The following CDH15 variants were observed in gnomAD, a reference collection of about 807,000 sequenced individuals.
The protein encoded by CDH15 is cadherin-15.
In CDH15, 73 loss-of-function variants were observed where a neutral mutation model predicts 69.4. That is an observed-to-expected ratio of 1.05 (90% CI 0.87 to 1.28). The LOEUF (loss-of-function observed/expected upper bound fraction) is 1.28. Among genes scored for constraint, CDH15 ranks in the 50% most tolerant of loss-of-function variants. The pLI is 0.00. For missense variants in CDH15, 1,343 were observed against 1,133.6 expected (o/e 1.18, Z -2.65); for synonymous variants, 624 against 507.7 (o/e 1.23, Z -3.08).
chr16:89,180,155 C>T (rs563597344), intron 2 of CDH15, 45 bp from the exon 3 acceptor site: 10 of 1,604,996 alleles, frequency 6.2e-6, no homozygotes, highest in Middle Eastern at 2.3e-4. Flanking sequence ...GGGCAGAGGC[C>T]CCCGCCCGGA....
In CDH15 at chr16:89,179,608, G is replaced by C. The variant is rs771341817; in HGVS notation, c.201+34G>C. The stretch of plus-strand genomic sequence containing the variant: ...GTGGAGGGGGCAGGAGGGGAGAAAG[G>C]GGTAGGCTGGTCCCCAGTGGGCCTC... On this transcript the variant is annotated intron_variant, in intron 2 of 13. Transcript: ENST00000289746. The C allele has an allele frequency of 8.5e-6, 13 of 1,530,910 alleles. 2 individuals carry two copies. The South Asian group carries it at 1.1e-4, about 14-fold the overall frequency. 94.8% of individuals were successfully genotyped at this position (1,530,910 alleles called of 1,614,324 possible). A position where few individuals can be genotyped will look rare whatever the true frequency, so the allele number is the denominator to read the frequency against.
intron 13 of CDH15, 88 bp from the exon 14 acceptor site, chr16:89,194,774 G>C: frequency 1.5e-6 from 2 of 1,358,802 alleles, no homozygotes; most frequent in Non-Finnish European, 2.0e-6. Context: ...CCCGTGCCTT[G>C]AGCTGACTTT....
chr16:89,173,629 C>T (rs918076123), intron 1 of CDH15, among the ~76,000 whole-genome samples: 1 of 152,230 alleles, frequency 6.6e-6, no homozygotes, highest in Non-Finnish European at 1.5e-5. Flanking sequence ...AGCAGCTCAG[C>T]TTTCAGGACT....
chr16:89,190,195 G>A, intron 7 of CDH15, 48 bp from the exon 8 acceptor site: 1 of 1,599,134 alleles, frequency 6.3e-7, no homozygotes, highest in Non-Finnish European at 8.5e-7. Flanking sequence ...GCCCTCGGGT[G>A]CCCACACTTG....
intron 7 of CDH15, among the ~76,000 whole-genome samples, chr16:89,189,079 G>A (rs1915573250): frequency 7.4e-6 from 1 of 134,382 alleles, no homozygotes; most frequent in Admixed American, 7.5e-5. Context: ...ACACACAGAT[G>A]CCCACACACA....
chr16:89,178,936 C>G (rs1915315321), intron 1 of CDH15, among the ~76,000 whole-genome samples: 1 of 152,204 alleles, frequency 6.6e-6, no homozygotes, highest in South Asian at 2.1e-4. Context: ...TGTCAGGACC[C>G]CACGCTCTCC....
rs539191758 is a variant in CDH15, at chr16:89,187,021, C to T, written c.664-408C>T. Reference sequence around the variant, plus strand: ...CAGCGCACAGTAGGTGCTCTGTAAACGCTTACCCAGTGCACAGTAGGTGCT... The same window carrying T: ...CAGCGCACAGTAGGTGCTCTGTAAATGCTTACCCAGTGCACAGTAGGTGCT... On this transcript the variant is annotated intron_variant, in intron 5 of 13. Coordinates refer to ENST00000289746, the MANE Select transcript of CDH15 (RefSeq NM_004933.3). 3.5e-4 allele frequency among the ~76,000 whole-genome samples: 53 copies of T among 150,994 alleles called. No individual in the cohort carries two copies. The South Asian group carries it at 8.4e-3, about 24-fold the overall frequency.
intron 12 of CDH15, 43 bp downstream of exon 12, chr16:89,193,649 C>T: frequency 6.4e-7 from 1 of 1,568,384 alleles, no homozygotes; most frequent in South Asian, 1.2e-5. Context: ...CCAAGGAACC[C>T]AGGTCGCGGG....
intron 2 of CDH15, 92 bp downstream of exon 2, chr16:89,179,666 G>C: frequency 7.3e-7 from 1 of 1,360,622 alleles, no homozygotes; most frequent in Non-Finnish European, 1.0e-6. Context: ...GGGAGCCAGC[G>C]GGGCCCCATT....
At chr16:89,188,837 TGCCCACACACAGATGCCCAC>T (rs1915562764) in intron 7 of CDH15, among the ~76,000 whole-genome samples, 2 of 63,528 alleles carry the variant, frequency 3.1e-5, no homozygotes, top group African/African-American at 7.1e-5. Flanking sequence ...CACGCACAGG[TGCCCACACACAGATGCCCAC>T]GCACAGGTGC....
Position 89,183,698 on chromosome 16 carries a change from A to T in CDH15, c.502+6A>T, listed in dbSNP as rs762193923. The T allele has an allele frequency of 6.3e-7, 1 of 1,593,674 alleles. No homozygotes were observed. Among genetic ancestry groups the T allele is most frequent in the South Asian group, 1.1e-5 (1 of 88,520 alleles). The stretch of plus-strand genomic sequence containing the variant: ...GCTGGAGGGTGCAGTCCCAGGTGAG[A>T]CAGGACCACAGCCCCGGGCCGGGAG... On this transcript the variant is annotated splice_donor_region_variant and intron_variant, in intron 4 of 13. Coordinates refer to ENST00000289746, the MANE Select transcript of CDH15 (RefSeq NM_004933.3).
At chr16:89,185,079 G>T (rs1043620557) in intron 4 of CDH15, 94 bp from the exon 5 acceptor site, 2 of 1,237,024 alleles carry the variant, frequency 1.6e-6, no homozygotes, top group Admixed American at 4.0e-5. Context: ...GAACCGGGGA[G>T]CCTGTGCACA....
chr16:89,191,917 C>T, intron 10 of CDH15, 23 bp downstream of exon 10: 5 of 1,529,556 alleles, frequency 3.3e-6, no homozygotes, highest in Non-Finnish European at 4.4e-6. Context: ...CACCGCCGCG[C>T]TCCCCCCATC....
chr16:89,179,909 G>C (rs1365080990), intron 2 of CDH15, among the ~76,000 whole-genome samples: 1 of 152,210 alleles, frequency 6.6e-6, no homozygotes, highest in East Asian at 1.9e-4. Context: ...AAGGTGAACT[G>C]CCTTGCGTGG....
At chr16:89,186,413 C>A (rs1188231683) in intron 5 of CDH15, among the ~76,000 whole-genome samples, 23 of 136,222 alleles carry the variant, frequency 1.7e-4, no homozygotes, top group Admixed American at 7.1e-4. Context: ...AAACGCTCAC[C>A]CAGCGCACAG....
chr16:89,190,410 C>G lies in CDH15; in HGVS notation c.1146C>G (p.Thr382=). 1 of 1,612,238 alleles carries G rather than the reference C, an allele frequency of 6.2e-7. No homozygotes were observed. Among genetic ancestry groups the G allele is most frequent in the Non-Finnish European group, 8.5e-7 (1 of 1,179,748 alleles). ...PPVFQENPLR[T]SLAEGAPPGT... ...TGTTCCAGGAGAACCCACTTCGGACCAGCCTAGCAGAGGGGGCACCCCCAG... is the reference window on the plus strand; with the variant it reads ...TGTTCCAGGAGAACCCACTTCGGACGAGCCTAGCAGAGGGGGCACCCCCAG... Residue 382 remains threonine, a synonymous_variant, in exon 8 of 14, where the codon ACC becomes ACG. Transcript: ENST00000289746.
intron 1 of CDH15, among the ~76,000 whole-genome samples, chr16:89,176,921 G>C (rs1214897559): frequency 6.6e-6 from 1 of 152,186 alleles, no homozygotes. Flanking sequence ...CAGCCTGAGG[G>C]CTTGTCCTGG....
In CDH15 at chr16:89,193,467, C is replaced by T. The variant is rs201669045; in HGVS notation, c.1856-3C>T. The T allele has an allele frequency of 6.2e-7, 1 of 1,609,526 alleles. No individual in the cohort carries two copies. Among genetic ancestry groups the T allele is most frequent in the African/African-American group, 1.3e-5 (1 of 74,638 alleles). ...CCCCAGCCTGCGTCCCCTCATTCCCCAGTGCTGGTCCTGCTCGTGGCACTC... is the reference window on the plus strand; with the variant it reads ...CCCCAGCCTGCGTCCCCTCATTCCCTAGTGCTGGTCCTGCTCGTGGCACTC... On this transcript the variant is annotated splice_polypyrimidine_tract_variant and splice_region_variant and intron_variant, in intron 11 of 13. Coordinates refer to ENST00000289746, the MANE Select transcript of CDH15 (RefSeq NM_004933.3).
Position 89,189,237 on chromosome 16 carries a change from G to A in CDH15, c.978+952G>A, listed in dbSNP as rs377066386. On this transcript the variant is annotated intron_variant, in intron 7 of 13. Coordinates refer to ENST00000289746, the MANE Select transcript of CDH15 (RefSeq NM_004933.3). Reference sequence around the variant, plus strand: ...CACGCACAGGTGCCCACACACAGATGCTGGCACACACAGATGCCCACACAC... The same window carrying A: ...CACGCACAGGTGCCCACACACAGATACTGGCACACACAGATGCCCACACAC... Among the ~76,000 whole-genome samples, 31 of 130,004 alleles carry A rather than the reference G, an allele frequency of 2.4e-4. No individual in the cohort carries two copies. The East Asian group carries it at 3.7e-3, about 16-fold the overall frequency. The allele number at this position is 130,004 out of a possible 152,430, so 85.3% of individuals were successfully genotyped here.
Sources: gnomAD v4.1 joint callset for allele counts (sites outside exome capture counted in the v4.1 genomes callset) on GRCh38, gnomAD v4.1.1 for gene constraint, MANE v1.5 for transcripts, NCBI Gene and HGNC (gene_info 2026-07-23, HGNC 2026-07-21) for gene names.